ZNF69: variants seen among roughly 807,000 people sequenced by gnomAD.
ZNF69 encodes the protein zinc finger protein 69, also known as ZNF3.
Under a neutral mutation model 50.9 loss-of-function variants are expected in ZNF69, and 47 were observed. The ratio of observed to expected loss-of-function variants is 0.92; its 90% CI spans 0.73 to 1.18. ZNF69 has a LOEUF of 1.18. Ranked by LOEUF, ZNF69 falls within the 50% of genes most tolerant of loss-of-function variation. ZNF69 has a pLI of 0.00. For synonymous variants in ZNF69, 216 were observed against 223.1 expected, an observed-to-expected ratio of 0.97 and a Z score of 0.29; for missense variants, 717 against 675.1, an observed-to-expected ratio of 1.06 and a Z score of -0.69.
intron 1 of ZNF69, among the ~76,000 whole-genome samples, chr19:11,900,106 G>A (rs891078647): frequency 2.0e-5 from 3 of 151,750 alleles, no homozygotes; most frequent in Admixed American, 1.3e-4. Context: ...GGTGTACGCC[G>A]CCATGCATGG....
the ZNF69 span, among the ~76,000 whole-genome samples, chr19:11,952,591 T>G: frequency 6.6e-6 from 1 of 152,228 alleles, no homozygotes; most frequent in Non-Finnish European, 1.5e-5. Context: ...TCAGAAACCC[T>G]TATTTAAAAA....
chr19:11,917,789 CTT>C (rs74965943), downstream of ZNF69, among the ~76,000 whole-genome samples: 8 of 110,660 alleles, frequency 7.2e-5, no homozygotes, highest in Admixed American at 9.8e-5. Context: ...CCACACCCTG[CTT>C]TTTTTTTTTT....
chr19:11,911,533 T>A (rs1231628129), downstream of ZNF69, among the ~76,000 whole-genome samples: 1 of 152,120 alleles, frequency 6.6e-6, no homozygotes, highest in Non-Finnish European at 1.5e-5. Flanking sequence ...GGGACATGGA[T>A]GAAGCTGGAA....
At chr19:11,941,071 G>A in the ZNF69 span, among the ~76,000 whole-genome samples, 82 of 152,244 alleles carry the variant, frequency 5.4e-4, 1 homozygote, top group Middle Eastern at 3.4e-3. Flanking sequence ...ACAGAGTGTC[G>A]ATTGGTGCAT....
In ZNF69 at chr19:11,904,930, C is replaced by G; in HGVS notation, c.533C>G (p.Ser178Cys). ...AAAAAAGCCTTCAGATATCACCCCT[C>G]CTTTAGAACACCACAAAGGGATCAC... ...QPKKAFRYHP[S>C]FRTPQRDHTG... is the part of the protein sequence containing the mutation. Residue 178 changes from serine (S) to cysteine (C), a missense_variant, in exon 4 of 4, where the codon TCC becomes TGC. By Grantham distance (112) the Ser-to-Cys change is moderately radical (BLOSUM62 -1). Coordinates refer to ENST00000429654, the MANE Select transcript of ZNF69 (RefSeq NM_001364730.1). 1 of 1,614,200 alleles carries G rather than the reference C, an allele frequency of 6.2e-7. No homozygotes were observed. Among genetic ancestry groups the G allele is most frequent in the Admixed American group, 1.7e-5 (1 of 60,024 alleles).
the ZNF69 span, among the ~76,000 whole-genome samples, chr19:11,944,226 G>T: frequency 6.6e-6 from 1 of 152,092 alleles, no homozygotes; most frequent in Non-Finnish European, 1.5e-5. Flanking sequence ...TAATTCTCAG[G>T]GAGTGCCTGG....
At position 11,900,901 on chromosome 19, in the gene ZNF69, A is replaced by G. The variant is rs544601257; in HGVS notation, c.64-2672A>G. On this transcript the variant is annotated intron_variant, in intron 1 of 3. Coordinates refer to ENST00000429654, the MANE Select transcript of ZNF69 (RefSeq NM_001364730.1). Reference sequence around the variant, plus strand: ...TGTGTGAAACCTTATTGCCAAATCCAAGGTCGTCTTGGTTTTCTCAGTGTT... The same window carrying G: ...TGTGTGAAACCTTATTGCCAAATCCGAGGTCGTCTTGGTTTTCTCAGTGTT... Among the ~76,000 whole-genome samples the G allele has an allele frequency of 7.2e-5, 11 of 152,302 alleles. No individual in the cohort carries two copies. The South Asian group carries it at 2.1e-3, about 29-fold the overall frequency.
downstream of ZNF69, among the ~76,000 whole-genome samples, chr19:11,914,529 T>C (rs1972504482): frequency 6.6e-6 from 1 of 152,252 alleles, no homozygotes; most frequent in Admixed American, 6.5e-5. Context: ...AGGAGGCTAA[T>C]AAATTTGTGT....
chr19:11,898,511 C>T (rs10402963), intron 1 of ZNF69, among the ~76,000 whole-genome samples: 14,648 of 151,490 alleles, frequency 0.097, 1,493 homozygotes, highest in African/African-American at 0.26. Flanking sequence ...CTGCCTCAGC[C>T]TCCGGAGTAG....
Position 11,905,778 on chromosome 19 carries a change from A to C in ZNF69, c.1381A>C (p.Ser461Arg). Residue 461 changes from serine (S) to arginine (R), a missense_variant, in exon 4 of 4, where the codon AGT (serine) becomes CGT (arginine). By Grantham distance (110) the Ser-to-Arg change is moderately radical. Transcript: ENST00000429654. ...KAFRSMKNLQ[S>R]HERTQTHVRI... ...CTTCAGATCTATGAAGAACCTTCAA[A>C]GTCATGAAAGGACACAAACACACGT... 6.2e-7 allele frequency: 1 copy of C among 1,613,502 alleles called. No homozygotes were observed. Among genetic ancestry groups the C allele is most frequent in the Non-Finnish European group, 8.5e-7 (1 of 1,179,922 alleles).
At chr19:11,941,947 G>T in the ZNF69 span, among the ~76,000 whole-genome samples, 5 of 149,612 alleles carry the variant, frequency 3.3e-5, no homozygotes, top group African/African-American at 1.2e-4. Context: ...GCCACCCCAG[G>T]AAGGTTGTAT....
the ZNF69 span, among the ~76,000 whole-genome samples, chr19:11,922,035 A>C: frequency 6.6e-6 from 1 of 152,174 alleles, no homozygotes; most frequent in African/African-American, 2.4e-5. Flanking sequence ...GCTCACTTCC[A>C]GGACCTTATC....
chr19:11,939,307 T>C, the ZNF69 span, among the ~76,000 whole-genome samples: 4 of 152,384 alleles, frequency 2.6e-5, no homozygotes, highest in African/African-American at 9.6e-5. Flanking sequence ...TGCCCATGCC[T>C]ATGTCTGAAT....
At chr19:11,915,068 G>A (rs563284518), downstream of ZNF69, among the ~76,000 whole-genome samples, 4 of 152,198 alleles carry the variant, frequency 2.6e-5, no homozygotes, top group Non-Finnish European at 5.9e-5. Context: ...GCTGGGCATC[G>A]TGGTGTGTGC....
the ZNF69 span, among the ~76,000 whole-genome samples, chr19:11,921,755 G>T: frequency 1.3e-5 from 2 of 151,436 alleles, no homozygotes; most frequent in Non-Finnish European, 2.9e-5. Context: ...CACCTGCCTC[G>T]ACCTCCCAAA....
At chr19:11,977,538 C>A in the ZNF69 span, 1 of 1,359,034 alleles carries the variant, frequency 7.4e-7, no homozygotes, top group South Asian at 1.3e-5. Context: ...AAATTCATCT[C>A]TTCTTAGAAT....
At chr19:11,927,860 G>T in the ZNF69 span, among the ~76,000 whole-genome samples, 1 of 152,186 alleles carries the variant, frequency 6.6e-6, no homozygotes, top group Admixed American at 6.6e-5. Flanking sequence ...TTTCTTGTTA[G>T]TGTCAAGATG....
the ZNF69 span, chr19:11,979,901 T>C: frequency 1.4e-6 from 2 of 1,403,592 alleles, no homozygotes; most frequent in East Asian, 2.3e-5. Context: ...ACCTTATAAA[T>C]GTAAGATATG....
Position 11,903,404 on chromosome 19 carries a change from G to A in ZNF69, c.64-169G>A, listed in dbSNP as rs145905177. Among the ~76,000 whole-genome samples the A allele has an allele frequency of 1.1e-4, 16 of 152,258 alleles. No homozygotes were observed. The East Asian group carries it at 3.1e-3, about 29-fold the overall frequency. On this transcript the variant is annotated intron_variant, in intron 1 of 3. Transcript: ENST00000429654. ...GCCTGGGCAATAAGAGTGAAAATCT[G>A]TCTCAAAAAAAAGAATTGCTTTATG...
Sources: gnomAD v4.1 joint callset for allele counts (sites outside exome capture counted in the v4.1 genomes callset) on GRCh38, gnomAD v4.1.1 for gene constraint, MANE v1.5 for transcripts, NCBI Gene and HGNC (gene_info 2026-07-23, HGNC 2026-07-21) for gene names.